ADCK1: variants seen among roughly 807,000 people sequenced by gnomAD.
ADCK1 encodes aarF domain containing kinase 1.
In ADCK1, 41 loss-of-function variants were observed where a neutral mutation model predicts 52.3. The observed-to-expected ratio is 0.78, with a 90% CI of 0.61 to 1.02. The LOEUF (loss-of-function observed/expected upper bound fraction) is 1.02, where lower values mean the gene tolerates loss of function less well. Ranked by LOEUF, ADCK1 falls within the 50% of genes least tolerant of loss-of-function variation. The pLI is 0.00. For missense variants in ADCK1, 658 were observed against 679.5 expected (o/e 0.97, Z 0.35); for synonymous variants, 250 against 274.6 (o/e 0.91, Z 0.89).
At chr14:77,930,131 G>C (rs1344553191) in intron 9 of ADCK1, among the ~76,000 whole-genome samples, 3 of 152,036 alleles carry the variant, frequency 2.0e-5, no homozygotes, top group Non-Finnish European at 2.9e-5. Context: ...CAGTCCGACC[G>C]TGCTGAGAGG....
In ADCK1 at chr14:77,900,554, T is replaced by A. The variant is rs1430746155; in HGVS notation, c.741+1296T>A. 12 of 455,244 alleles carry A rather than the reference T, an allele frequency of 2.6e-5. No individual in the cohort carries two copies. The East Asian group carries it at 8.4e-4, about 32-fold the overall frequency. 28.2% of individuals were successfully genotyped at this position (455,244 alleles called of 1,614,324 possible). ...GTGAGCTGAGATCATGCCATTGCATTGCAGCCTGGGCAACAGAGCGAGACT... is the reference window on the plus strand; with the variant it reads ...GTGAGCTGAGATCATGCCATTGCATAGCAGCCTGGGCAACAGAGCGAGACT... On this transcript the variant is annotated intron_variant, in intron 6 of 10. Coordinates refer to ENST00000238561, the MANE Select transcript of ADCK1 (RefSeq NM_020421.4).
At chr14:77,916,852 T>G (rs147995886) in intron 7 of ADCK1, among the ~76,000 whole-genome samples, 1 of 152,234 alleles carries the variant, frequency 6.6e-6, no homozygotes, top group Non-Finnish European at 1.5e-5. Flanking sequence ...TTGGACTCCA[T>G]GCTGGGCAGC....
intron 5 of ADCK1, among the ~76,000 whole-genome samples, chr14:77,895,254 A>G (rs969796827): frequency 1.3e-5 from 2 of 152,240 alleles, no homozygotes; most frequent in Non-Finnish European, 2.9e-5. Flanking sequence ...ATTCTCAGGC[A>G]TTCTGAAATT....
At chr14:77,852,909 T>TATATATATATATATA (rs56396469) in intron 3 of ADCK1, among the ~76,000 whole-genome samples, 78 of 19,680 alleles carry the variant, frequency 4.0e-3, no homozygotes, top group East Asian at 9.1e-3. Context: ...ATATATATAT[T>TATATATATATATATA]TTTTTTTTTT....
chr14:77,860,579 G>A (rs1041560092), intron 4 of ADCK1, among the ~76,000 whole-genome samples: 3 of 152,166 alleles, frequency 2.0e-5, no homozygotes, highest in Non-Finnish European at 2.9e-5. Context: ...TGACTCCTCT[G>A]CCACTGAGGA....
chr14:77,820,442 T>C (rs866646357), intron 2 of ADCK1, among the ~76,000 whole-genome samples: 2 of 151,740 alleles, frequency 1.3e-5, no homozygotes, highest in African/African-American at 4.8e-5. Flanking sequence ...GAGATCCTCG[T>C]GCCTCAGATT....
At chr14:77,924,654 T>C (rs2084145633) in intron 8 of ADCK1, 48 bp downstream of exon 8, 1 of 1,601,498 alleles carries the variant, frequency 6.2e-7, no homozygotes. Flanking sequence ...GGGGTTAGAG[T>C]CTGCTGACCA....
At chr14:77,842,551 T>C (rs974491757) in intron 3 of ADCK1, among the ~76,000 whole-genome samples, 4 of 149,932 alleles carry the variant, frequency 2.7e-5, no homozygotes, top group African/African-American at 4.9e-5. Flanking sequence ...CTCCCTTCCT[T>C]CCTTTCTATT....
chr14:77,917,083 G>A (rs1471927211), intron 7 of ADCK1, among the ~76,000 whole-genome samples: 2 of 152,100 alleles, frequency 1.3e-5, no homozygotes, highest in Non-Finnish European at 2.9e-5. Flanking sequence ...AAATTAGCTG[G>A]GCATGGTGGC....
intron 2 of ADCK1, 140 bp downstream of exon 2, chr14:77,819,253 C>A: frequency 8.6e-7 from 1 of 1,161,844 alleles, no homozygotes; most frequent in Non-Finnish European, 1.2e-6. Flanking sequence ...TACATCTGCA[C>A]AGGTGTACAC....
intron 4 of ADCK1, among the ~76,000 whole-genome samples, chr14:77,867,960 G>A (rs1421071523): frequency 6.6e-6 from 1 of 152,248 alleles, no homozygotes; most frequent in Non-Finnish European, 1.5e-5. Flanking sequence ...TTCACTGTCA[G>A]CTGTGCTTGT....
intron 7 of ADCK1, among the ~76,000 whole-genome samples, chr14:77,914,927 A>G (rs2083882438): frequency 6.7e-6 from 1 of 149,220 alleles, no homozygotes; most frequent in Non-Finnish European, 1.5e-5. Flanking sequence ...TATTAAGCAT[A>G]TGGTACCCCC....
chr14:77,816,881 AATAT>A (rs71128689), intron 1 of ADCK1, among the ~76,000 whole-genome samples: 6 of 110,010 alleles, frequency 5.5e-5, no homozygotes, highest in East Asian at 2.6e-4. Context: ...GTAGATGGTA[AATAT>A]ATATATATAT....
chr14:77,849,117 C>T (rs57859162), intron 3 of ADCK1, among the ~76,000 whole-genome samples: 20,723 of 152,120 alleles, frequency 0.14, 1,476 homozygotes, highest in Middle Eastern at 0.19. Flanking sequence ...CGTGAGCCAC[C>T]GCGCCCGGCC....
Position 77,882,522 on chromosome 14 carries a change from G to A in ADCK1, c.424-4569G>A, listed in dbSNP as rs763025867. 3.9e-5 allele frequency among the ~76,000 whole-genome samples: 6 copies of A among 152,358 alleles called. 1 individual carries two copies. The highest frequency in any genetic ancestry group is 1.4e-4 in the African/African-American group (6 of 41,584). ...ACGTGACCGAGTATGGGAACAGCAG[G>A]CTGCAATATTTGAAAGTGGGCTATC... On this transcript the variant is annotated intron_variant, in intron 4 of 10. Coordinates refer to ENST00000238561, the MANE Select transcript of ADCK1 (RefSeq NM_020421.4).
intron 4 of ADCK1, among the ~76,000 whole-genome samples, chr14:77,885,914 A>G (rs1402601588): frequency 6.6e-6 from 1 of 152,222 alleles, no homozygotes; most frequent in Non-Finnish European, 1.5e-5. Flanking sequence ...CTGGACATGT[A>G]GGTGTGACCA....
chr14:77,896,114 G>A (rs1490153509), intron 5 of ADCK1, among the ~76,000 whole-genome samples: 4 of 152,108 alleles, frequency 2.6e-5, no homozygotes, highest in African/African-American at 7.2e-5. Context: ...ATGATGTCAG[G>A]TATTACCAAG....
chr14:77,894,745 T>TTTTTTTTTTTTTTC lies in ADCK1; in HGVS notation c.583-4342_583-4341insCTTTTTTTTTTTTT, dbSNP rs2083370523. Among the ~76,000 whole-genome samples the TTTTTTTTTTTTTTC allele has an allele frequency of 3.0e-5, 3 of 99,410 alleles. 1 individual carries two copies. The highest frequency in any genetic ancestry group is 1.3e-4 in the African/African-American group (3 of 23,834). 65.2% of individuals were successfully genotyped at this position (99,410 alleles called of 152,430 possible). On this transcript the variant is annotated intron_variant, in intron 5 of 10. Transcript: ENST00000238561. Reference sequence around the variant, plus strand: ...TTTCTTTTCTTTTCTTGTTTTTTTTTTTTTTTTTTTTTTTTTTTTAGATGG... The same window carrying TTTTTTTTTTTTTTC: ...TTTCTTTTCTTTTCTTGTTTTTTTTTTTTTTTTTTTTTTCTTTTTTTTTTTTTTTTTTTAGATGG...
intron 4 of ADCK1, among the ~76,000 whole-genome samples, chr14:77,884,261 T>A (rs1021270412): frequency 6.6e-6 from 1 of 152,132 alleles, no homozygotes; most frequent in Non-Finnish European, 1.5e-5. Flanking sequence ...GAGATGAGGG[T>A]GTGAGTTCAC....
Sources: gnomAD v4.1 joint callset for allele counts (sites outside exome capture counted in the v4.1 genomes callset) on GRCh38, gnomAD v4.1.1 for gene constraint, MANE v1.5 for transcripts, NCBI Gene and HGNC (gene_info 2026-07-23, HGNC 2026-07-21) for gene names.